PER2: variants seen among roughly 807,000 people sequenced by gnomAD.
PER2 encodes the protein period circadian protein homolog 2.
Under a neutral mutation model 121.0 loss-of-function variants are expected in PER2, and 66 were observed. The observed-to-expected ratio is 0.55, with a 90% CI of 0.45 to 0.67. The LOEUF is 0.67. Among genes scored for constraint, PER2 ranks in the 30% least tolerant of loss-of-function variants. PER2 has a pLI of 0.00. For synonymous variants in PER2, 684 were observed against 659.9 expected, an observed-to-expected ratio of 1.04 and a Z score of -0.56; for missense variants, 1,521 against 1,635.0, an observed-to-expected ratio of 0.93 and a Z score of 1.20.
At position 238,265,239 on chromosome 2, in the gene PER2, C is replaced by T. The variant is rs151308417; in HGVS notation, c.1046+273G>A. ...TGACACTGGTCCCAGGCAACAGCGC[C>T]TCTGTCTGGACCATTATCCACTCCG... On this transcript the variant is annotated intron_variant, in intron 9 of 22. Coordinates refer to ENST00000254657, the MANE Select transcript of PER2 (RefSeq NM_022817.3). Among the ~76,000 whole-genome samples, 3 of 152,308 alleles carry T rather than the reference C, an allele frequency of 2.0e-5. No homozygotes were observed. The East Asian group carries it at 5.8e-4, about 29-fold the overall frequency.
rs79645972 is a variant in PER2, at chr2:238,253,451, C to G, written c.2572G>C (p.Val858Leu). The part of the protein sequence containing the change: ...APVPAAYSLP[V>L]FPAPGTVAAP... ...GCCACAGTCCCTGGCGCTGGAAACA[C>G]GGGCAGTGAATAAGCTGCTGGCACT... is the stretch of plus-strand genomic sequence containing the variant. Residue 858 changes from valine to leucine, a missense_variant, in exon 19 of 23, where the codon GTG (valine) becomes CTG (leucine). Val to Leu is a conservative substitution (Grantham distance 32). Transcript: ENST00000254657. The surrounding 1 kb of genome is among the most constrained non-coding windows in gnomAD (Gnocchi z 5.6). 1 of 1,612,816 alleles carries G rather than the reference C, an allele frequency of 6.2e-7. No individual in the cohort carries two copies. Among genetic ancestry groups the G allele is most frequent in the Non-Finnish European group, 8.5e-7 (1 of 1,179,338 alleles).
rs1695443404 is a variant in PER2, at chr2:238,246,236, GTTGT to G, written c.*135_*138del. The G allele has an allele frequency of 1.4e-5, 8 of 563,958 alleles. No individual in the cohort carries two copies. The East Asian group carries it at 2.5e-4, about 17-fold the overall frequency. The allele number at this position is 563,958 out of a possible 1,614,324, so 34.9% of individuals were successfully genotyped here. On this transcript the variant is annotated 3_prime_UTR_variant, in exon 23 of 23. Coordinates refer to ENST00000254657, the MANE Select transcript of PER2 (RefSeq NM_022817.3). Reference sequence around the variant, plus strand: ...TTAAGTCGCCCCTTCAGAAAACTATGTTGTTTTTTTTTCTAAAACAAAAAAAGCA... The same window carrying G: ...TTAAGTCGCCCCTTCAGAAAACTATGTTTTTTTTCTAAAACAAAAAAAGCA...
upstream of PER2, among the ~76,000 whole-genome samples, chr2:238,290,463 C>A (rs573431854): frequency 6.6e-6 from 1 of 152,308 alleles, no homozygotes; most frequent in East Asian, 1.9e-4. Flanking sequence ...TACCGAGATT[C>A]TTCTTCATGC....
chr2:238,289,698 A>G (rs558606702), upstream of PER2: 29 of 152,362 alleles, frequency 1.9e-4, no homozygotes, highest in African/African-American at 6.7e-4. Context: ...GGGCCCTGAG[A>G]AAGGGACGCC....
rs112121234 is a variant in PER2, at chr2:238,259,729, G to A, written c.1627+240C>T. On this transcript the variant is annotated intron_variant, in intron 14 of 22. Transcript: ENST00000254657. The stretch of plus-strand genomic sequence containing the variant: ...AGGCCTGCACACCTAGCCACACCCC[G>A]CCAGGCCTGCAGGGCATCAGGTGCC... Among the ~76,000 whole-genome samples, 872 of 152,308 alleles carry A rather than the reference G, an allele frequency of 5.7e-3. 13 individuals are homozygous for A. Among genetic ancestry groups the A allele is most frequent in the African/African-American group, 0.02 (832 of 41,578 alleles).
the PER2 span, among the ~76,000 whole-genome samples, chr2:238,298,128 G>A: frequency 9.4e-5 from 14 of 148,624 alleles, no homozygotes; most frequent in Admixed American, 4.1e-4. Flanking sequence ...TCCGCCTCCC[G>A]GGTTCACCCC....
chr2:238,291,767 TCA>T (rs971237697), upstream of PER2, among the ~76,000 whole-genome samples: 23 of 152,192 alleles, frequency 1.5e-4, no homozygotes, highest in Middle Eastern at 3.2e-3. Context: ...CTCAGCCAGC[TCA>T]CAGAGGTGAC....
chr2:238,259,124 C>A (rs1048731516), intron 14 of PER2, among the ~76,000 whole-genome samples: 2 of 152,224 alleles, frequency 1.3e-5, no homozygotes, highest in Non-Finnish European at 2.9e-5. Context: ...CCTAGGGACC[C>A]TCAAGCAAAG....
intron 14 of PER2, among the ~76,000 whole-genome samples, chr2:238,259,552 TTGTG>T (rs1012144336): frequency 1.3e-5 from 2 of 151,802 alleles, no homozygotes; most frequent in African/African-American, 2.4e-5. Flanking sequence ...CCGTCGGCAG[TTGTG>T]TGTGTGTGTG....
chr2:238,288,810 C>T (rs1450433970), upstream of PER2, among the ~76,000 whole-genome samples: 8 of 151,912 alleles, frequency 5.3e-5, no homozygotes, highest in East Asian at 1.2e-3. Context: ...AAAACGTGAC[C>T]GCGCGCGCCG....
chr2:238,250,520 C>T lies in PER2; in HGVS notation c.3467+31G>A, dbSNP rs114711229. 1,783 of 1,548,640 alleles carry T rather than the reference C, an allele frequency of 1.2e-3. 21 individuals carry two copies. The African/African-American group carries it at 0.02, about 17-fold the overall frequency. On this transcript the variant is annotated intron_variant, in intron 21 of 22. Coordinates refer to ENST00000254657, the MANE Select transcript of PER2 (RefSeq NM_022817.3). ...GGGAGCTCCTGAACCCCATCCCTCC[C>T]CAGGTGCCTAGGAAAACGCTGGGTG...
intron 1 of PER2, among the ~76,000 whole-genome samples, chr2:238,281,796 G>C (rs1696639877): frequency 6.6e-6 from 1 of 152,204 alleles, no homozygotes; most frequent in South Asian, 2.1e-4. Context: ...TATTTCTGGA[G>C]AGAAATTTGA....
rs1444934561 is a variant in PER2, at chr2:238,271,514, C to T, written c.571-1G>A. ...GGGACACGGCCACCGCAAACATATC[C>T]TGAAAAGGAAGAGTAGGGCTCTGAT... is the stretch of plus-strand genomic sequence containing the variant. On this transcript the variant is annotated splice_acceptor_variant, in intron 5 of 22. Transcript: ENST00000254657. LOFTEE classifies it high-confidence loss of function. 6.2e-7 allele frequency: 1 copy of T among 1,610,330 alleles called. No individual in the cohort carries two copies. The highest frequency in any genetic ancestry group is 1.1e-5 in the South Asian group (1 of 90,990).
At chr2:238,283,315 G>T (rs920426436) in intron 1 of PER2, among the ~76,000 whole-genome samples, 3 of 152,218 alleles carry the variant, frequency 2.0e-5, no homozygotes, top group Non-Finnish European at 2.9e-5. Context: ...TCTCAGCAGG[G>T]TGTCGTCTTG....
At chr2:238,278,530 A>G (rs1439066397) in intron 1 of PER2, among the ~76,000 whole-genome samples, 1 of 152,246 alleles carries the variant, frequency 6.6e-6, no homozygotes, top group Non-Finnish European at 1.5e-5. Context: ...GAAGGCAGAC[A>G]AGAGCACTGA....
At chr2:238,266,114 A>G (rs1041654240) in intron 8 of PER2, among the ~76,000 whole-genome samples, 46 of 152,010 alleles carry the variant, frequency 3.0e-4, no homozygotes, top group African/African-American at 1.0e-3. Flanking sequence ...CGTGTTGGCC[A>G]GGATGGTCTC....
At chr2:238,277,107 G>A (rs1559335133) in intron 3 of PER2, 24 bp downstream of exon 3, 2 of 1,529,904 alleles carry the variant, frequency 1.3e-6, no homozygotes, top group East Asian at 4.5e-5. Flanking sequence ...AAACCTCTAT[G>A]TATGAAGTTC....
intron 20 of PER2, among the ~76,000 whole-genome samples, chr2:238,251,360 T>C (rs1331751960): frequency 3.3e-5 from 5 of 152,170 alleles, no homozygotes; most frequent in Non-Finnish European, 7.3e-5. Flanking sequence ...AGCCAGGGTG[T>C]GAGGCCTGTA....
chr2:238,277,855 G>A lies in PER2; in HGVS notation c.82C>T (p.Leu28=). The A allele has an allele frequency of 6.2e-7, 1 of 1,614,246 alleles. No individual in the cohort carries two copies. The highest frequency in any genetic ancestry group is 8.5e-7 in the Non-Finnish European group (1 of 1,180,050). ...CTGCTCATGTCCACATCTTCCTGCA[G>A]TGGGACCTGGCTGGGCTGGGGCTCC... ...PVEPQPSQVP[L]QEDVDMSSGS... The change falls in exon 2 of 23, where the codon CTG becomes TTG. Residue 28 remains leucine (L), a synonymous_variant. Coordinates refer to ENST00000254657, the MANE Select transcript of PER2 (RefSeq NM_022817.3).
Sources: gnomAD v4.1 joint callset for allele counts (sites outside exome capture counted in the v4.1 genomes callset) on GRCh38, gnomAD v4.1.1 for gene constraint, Gnocchi (gnomAD v3.1) non-coding constraint, MANE v1.5 for transcripts, NCBI Gene and HGNC (gene_info 2026-07-23, HGNC 2026-07-21) for gene names.